Variants in MAP3K19 observed in about 807,000 individuals in gnomAD.
MAP3K19 encodes SPS1/STE20-related protein kinase YSK4.
A neutral mutation model predicts 114.4 loss-of-function variants in MAP3K19; 91 were observed. The observed-to-expected ratio is 0.80, with a 90% confidence interval of 0.67 to 0.95. The LOEUF is 0.95. Among genes scored for constraint, MAP3K19 ranks in the 40% least tolerant of loss-of-function variants. The pLI is 0.00. For missense variants in MAP3K19, 1,471 were observed against 1,573.2 expected (o/e 0.94, Z 1.10); for synonymous variants, 518 against 530.5 (o/e 0.98, Z 0.32).
chr2:134,973,604 A>G (rs1684019065), intron 12 of MAP3K19, among the ~76,000 whole-genome samples: 1 of 152,012 alleles, frequency 6.6e-6, no homozygotes, highest in Admixed American at 6.6e-5. Context: ...TAATCCATTT[A>G]TGTTCTTATT....
Position 134,964,539 on chromosome 2 carries a change from A to C in MAP3K19, c.*311T>G. Reference sequence around the variant, plus strand: ...CTAACAACATTAAAATTGACAGGACAGGCCAAAAATAAAAAGAAATGTCAT... The same window carrying C: ...CTAACAACATTAAAATTGACAGGACCGGCCAAAAATAAAAAGAAATGTCAT... On this transcript the variant is annotated 3_prime_UTR_variant, in exon 13 of 13. Transcript: ENST00000392915. 34 of 179,782 alleles carry C rather than the reference A, an allele frequency of 1.9e-4. No individual in the cohort carries two copies. The highest frequency in any genetic ancestry group is 5.6e-4 in the East Asian group (4 of 7,172). 11.1% of individuals were successfully genotyped at this position (179,782 alleles called of 1,614,324 possible).
chr2:135,038,303 T>A (rs1558746843), intron 2 of MAP3K19, among the ~76,000 whole-genome samples: 2 of 151,856 alleles, frequency 1.3e-5, no homozygotes, highest in Non-Finnish European at 2.9e-5. Context: ...ATGTATATAT[T>A]TATGTATGTA....
chr2:135,003,790 G>A lies in MAP3K19; in HGVS notation c.235+1645C>T, dbSNP rs969613855. Among the ~76,000 whole-genome samples the A allele has an allele frequency of 5.8e-4, 89 of 152,206 alleles. 2 individuals are homozygous for A. Among genetic ancestry groups the A allele is most frequent in the Non-Finnish European group, 1.9e-4 (13 of 68,050 alleles). On this transcript the variant is annotated intron_variant, in intron 6 of 12. Transcript: ENST00000392915. ...GCTGGTCTTGAACTCCTGACCTCAG[G>A]TGATCCGCCCACCTTGGCCTCCCAA...
chr2:135,004,691 C>G (rs1026547600), intron 6 of MAP3K19, among the ~76,000 whole-genome samples: 1 of 152,164 alleles, frequency 6.6e-6, no homozygotes, highest in Admixed American at 6.5e-5. Flanking sequence ...CTGCAAATAC[C>G]TTGTGGTCTG....
At position 134,986,161 on chromosome 2, in the gene MAP3K19, G is replaced by C; in HGVS notation, c.2711C>G (p.Thr904Arg). 1 of 1,613,782 alleles carries C rather than the reference G, an allele frequency of 6.2e-7. No homozygotes were observed. The highest frequency in any genetic ancestry group is 8.5e-7 in the Non-Finnish European group (1 of 1,179,954). The part of the protein sequence containing the change: ...DSVSDHSKTL[T>R]NFSFQAKQES... ...TTGTTTTGCTTGGAAAGAGAAATTT[G>C]TAAGTGTTTTAGAGTGATCTGAAAC... The change falls in exon 10 of 13, where the codon ACA (threonine) becomes AGA (arginine). Residue 904 changes from threonine to arginine, a missense_variant. By Grantham distance (71) the Thr-to-Arg change is moderately conservative. Coordinates refer to ENST00000392915, the MANE Select transcript of MAP3K19 (RefSeq NM_025052.5).
At chr2:135,043,585 A>G (rs1688686541) in intron 1 of MAP3K19, among the ~76,000 whole-genome samples, 1 of 152,250 alleles carries the variant, frequency 6.6e-6, no homozygotes, top group Non-Finnish European at 1.5e-5. Flanking sequence ...ATTTGTTAAC[A>G]ATAGATGAAC....
chr2:134,990,129 G>C (rs1392262461), intron 9 of MAP3K19, among the ~76,000 whole-genome samples: 2 of 151,864 alleles, frequency 1.3e-5, no homozygotes, highest in East Asian at 3.9e-4. Flanking sequence ...ATTATGTAAA[G>C]AACAGAAACA....
At chr2:134,982,745 T>C (rs975588978) in intron 11 of MAP3K19, among the ~76,000 whole-genome samples, 1 of 152,210 alleles carries the variant, frequency 6.6e-6, no homozygotes, top group Admixed American at 6.5e-5. Context: ...CCAAGCTCTC[T>C]GGAGTGAGAA....
chr2:134,988,122 C>T lies in MAP3K19; in HGVS notation c.750G>A (p.Val250=), dbSNP rs749697910. ...TGAGCTCATCAGATTGACGAACAGA[C>T]ACTGAGAGCTTAGGCACAAAAGATG... ...SLTSFVPKLS[V]SVRQSDELSP... is the part of the protein sequence containing the mutation. The change falls in exon 10 of 13, where the codon GTG becomes GTA. Residue 250 remains valine, a synonymous_variant. Transcript: ENST00000392915. 15 of 1,614,072 alleles carry T rather than the reference C, an allele frequency of 9.3e-6. No individual in the cohort carries two copies. The Admixed American group carries it at 2.3e-4, about 25-fold the overall frequency.
chr2:134,990,047 C>T (rs1685448572), intron 9 of MAP3K19, among the ~76,000 whole-genome samples: 1 of 151,674 alleles, frequency 6.6e-6, no homozygotes, highest in South Asian at 2.1e-4. Flanking sequence ...GTGCCAACTG[C>T]ACTCCAGCCT....
intron 10 of MAP3K19, 113 bp downstream of exon 10, chr2:134,985,687 A>G: frequency 4.1e-6 from 4 of 967,950 alleles, no homozygotes; most frequent in Non-Finnish European, 4.4e-6. Flanking sequence ...CCTTGAAAAA[A>G]CTATTTAATT....
At chr2:134,996,387 A>G (rs184442599) in intron 8 of MAP3K19, among the ~76,000 whole-genome samples, 1 of 149,698 alleles carries the variant, frequency 6.7e-6, no homozygotes, top group East Asian at 2.0e-4. Flanking sequence ...TGTAATGGCT[A>G]TGTGCCAGGT....
chr2:135,043,379 T>C (rs929557659), intron 1 of MAP3K19, among the ~76,000 whole-genome samples: 1 of 152,184 alleles, frequency 6.6e-6, no homozygotes, highest in Non-Finnish European at 1.5e-5. Flanking sequence ...AGATTCCAAG[T>C]TTCCTTTAGT....
In MAP3K19 at chr2:134,987,176, T is replaced by C. The variant is rs1431232474; in HGVS notation, c.1696A>G (p.Lys566Glu). 1.2e-6 allele frequency: 2 copies of C among 1,614,234 alleles called. No individual in the cohort carries two copies. The highest frequency in any genetic ancestry group is 2.2e-5 in the South Asian group (2 of 91,086). ...AAAATTTGTGTTTTTATGCTGGTTT[T>C]ATGCATGGTAGGCTTAATGGGACCT... ...TEGPIKPTMH[K>E]TSIKTQIFPA... The change falls in exon 10 of 13, where the codon AAA (lysine) becomes GAA (glutamate). Residue 566 changes from lysine to glutamate, a missense_variant. Physicochemically the swap from Lys to Glu is moderately conservative, Grantham distance 56. Transcript: ENST00000392915.
chr2:135,017,015 T>C (rs1687620733), intron 5 of MAP3K19, among the ~76,000 whole-genome samples: 1 of 152,176 alleles, frequency 6.6e-6, no homozygotes, highest in Non-Finnish European at 1.5e-5. Flanking sequence ...TTTAAAACTA[T>C]TTCTTCCCCT....
At chr2:135,003,022 T>C (rs1686560334) in intron 6 of MAP3K19, among the ~76,000 whole-genome samples, 1 of 152,000 alleles carries the variant, frequency 6.6e-6, no homozygotes, top group Admixed American at 6.5e-5. Context: ...GTGTCAAGGG[T>C]GGGGCCCCGA....
At chr2:135,018,368 C>T (rs1423086612) in intron 5 of MAP3K19, among the ~76,000 whole-genome samples, 1 of 150,900 alleles carries the variant, frequency 6.6e-6, no homozygotes, top group Non-Finnish European at 1.5e-5. Context: ...GGGATTGGGC[C>T]TCTTGTTGGC....
In MAP3K19 at chr2:134,985,920, A is replaced by G; in HGVS notation, c.2952T>C (p.Asp984=). ...TTGCCATTTTTTGGCAAGAGTTGTT[A>G]TCTTTCTCATCAAGAGCTAATAATT... ...AAELLALDEK[D]NNSCQKMANE... The change falls in exon 10 of 13, where the codon GAT becomes GAC. Residue 984 remains aspartate (D), a synonymous_variant. Transcript: ENST00000392915. 1 of 1,614,090 alleles carries G rather than the reference A, an allele frequency of 6.2e-7. No individual in the cohort carries two copies. The highest frequency in any genetic ancestry group is 8.5e-7 in the Non-Finnish European group (1 of 1,179,998).
chr2:134,975,604 A>T (rs1451709024), intron 12 of MAP3K19, among the ~76,000 whole-genome samples: 4 of 152,120 alleles, frequency 2.6e-5, no homozygotes, highest in Non-Finnish European at 5.9e-5. Context: ...GGAGCCTGTC[A>T]TTAGGGCATG....
Sources: allele counts gnomAD v4.1 joint callset (sites outside exome capture counted in the v4.1 genomes callset), GRCh38; gene constraint gnomAD v4.1.1; transcripts MANE v1.5; gene names NCBI Gene and HGNC (gene_info 2026-07-23, HGNC 2026-07-21).